MAL: variants seen among roughly 807,000 people sequenced by gnomAD.
MAL encodes the protein mal, T cell differentiation protein (MAL blood group).
MAL carries 5 observed loss-of-function variants against 16.7 expected under a neutral mutation model. That is an observed-to-expected ratio of 0.30 (90% CI 0.16 to 0.63). The LOEUF is 0.63. MAL is among the 30% of genes least tolerant of loss of function. MAL has a pLI of 0.82. For missense variants in MAL, 202 were observed against 195.8 expected (o/e 1.03, Z -0.19); for synonymous variants, 96 against 85.5 (o/e 1.12, Z -0.67).
At chr2:95,045,731 C>T (rs1674571049) in intron 1 of MAL, among the ~76,000 whole-genome samples, 1 of 152,226 alleles carries the variant, frequency 6.6e-6, no homozygotes, top group Admixed American at 6.5e-5. Context: ...GATCCTCCTC[C>T]TATTTCTCCA....
chr2:95,044,745 G>C (rs1294827860), intron 1 of MAL: 1 of 152,248 alleles, frequency 6.6e-6, no homozygotes, highest in Non-Finnish European at 1.5e-5. Flanking sequence ...ACTGGAACAG[G>C]GCAGAGTCTG....
chr2:95,033,531 A>G (rs1674137107), intron 1 of MAL, among the ~76,000 whole-genome samples: 1 of 151,984 alleles, frequency 6.6e-6, no homozygotes, highest in Non-Finnish European at 1.5e-5. Flanking sequence ...TAATCCTGGC[A>G]CTCTGGGAGG....
chr2:95,033,107 G>C (rs1674126752), intron 1 of MAL, among the ~76,000 whole-genome samples: 1 of 152,174 alleles, frequency 6.6e-6, no homozygotes, highest in African/African-American at 2.4e-5. Flanking sequence ...AGGGCAGGGG[G>C]AGGAGACAGA....
intron 1 of MAL, 72 bp from the exon 2 acceptor site, chr2:95,047,887 C>G (rs564863843): frequency 6.7e-7 from 1 of 1,483,936 alleles, no homozygotes. Context: ...CCCATGTGAC[C>G]GCTGGTCGGG....
At position 95,053,550 on chromosome 2, in the gene MAL, G is replaced by T; in HGVS notation, c.*95G>T. On this transcript the variant is annotated 3_prime_UTR_variant, in exon 4 of 4. Coordinates refer to ENST00000309988, the MANE Select transcript of MAL (RefSeq NM_002371.4). Reference sequence around the variant, plus strand: ...TTTAGAAAACAGAAATGCCCTTGATGGTGGAAAAAAGAAAACAACCACCCC... The same window carrying T: ...TTTAGAAAACAGAAATGCCCTTGATTGTGGAAAAAAGAAAACAACCACCCC... 9.9e-7 allele frequency: 1 copy of T among 1,005,612 alleles called. No individual in the cohort carries two copies. The highest frequency in any genetic ancestry group is 1.4e-5 in the South Asian group (1 of 72,944). The allele number at this position is 1,005,612 out of a possible 1,614,324, so 62.3% of individuals were successfully genotyped here.
intron 1 of MAL, among the ~76,000 whole-genome samples, chr2:95,033,946 T>G (rs573572458): frequency 1.3e-5 from 2 of 152,264 alleles, no homozygotes; most frequent in Admixed American, 1.3e-4. Context: ...TCAGTAAAAT[T>G]TGGACATAGC....
chr2:95,044,967 G>A (rs1157424006), intron 1 of MAL, among the ~76,000 whole-genome samples: 2 of 152,206 alleles, frequency 1.3e-5, no homozygotes, highest in African/African-American at 4.8e-5. Context: ...AGGAGCTGAG[G>A]ACTACCTTCT....
At chr2:95,028,271 C>T (rs1673994945) in intron 1 of MAL, among the ~76,000 whole-genome samples, 1 of 151,684 alleles carries the variant, frequency 6.6e-6, no homozygotes, top group Non-Finnish European at 1.5e-5. Context: ...TGCAGTAAGC[C>T]GAGATCATGC....
intron 3 of MAL, among the ~76,000 whole-genome samples, chr2:95,052,512 C>T (rs1423188812): frequency 6.6e-6 from 1 of 152,202 alleles, no homozygotes; most frequent in Non-Finnish European, 1.5e-5. Context: ...AGAGCAGGCA[C>T]CCTGAGGGCT....
chr2:95,029,647 T>C (rs1367580610), intron 1 of MAL, among the ~76,000 whole-genome samples: 1 of 152,204 alleles, frequency 6.6e-6, no homozygotes, highest in Non-Finnish European at 1.5e-5. Context: ...CACATTGTCA[T>C]TTTCCCAGGT....
chr2:95,034,367 C>T (rs1475833611), intron 1 of MAL, among the ~76,000 whole-genome samples: 3 of 152,228 alleles, frequency 2.0e-5, no homozygotes, highest in African/African-American at 7.2e-5. Context: ...GCCCAGGGAG[C>T]AGGCTGCTTT....
At chr2:95,039,348 GT>G in intron 1 of MAL, among the ~76,000 whole-genome samples, 1 of 148,706 alleles carries the variant, frequency 6.7e-6, no homozygotes, top group South Asian at 2.2e-4. Context: ...GAGTGAGTGA[GT>G]GACTGACTGA....
At chr2:95,053,254 G>C (rs1674756984) in intron 3 of MAL, 127 bp from the exon 4 acceptor site, 2 of 723,996 alleles carry the variant, frequency 2.8e-6, no homozygotes, top group Admixed American at 3.9e-5. Context: ...GTGAGGGTGA[G>C]AAGCAATGAC....
Position 95,049,654 on chromosome 2 carries a change from C to T in MAL, c.335C>T (p.Thr112Met), listed in dbSNP as rs749751444. ...ASVLEALATI[T>M]MQDGFTYRHY... ...GTCCTGGAGGCCCTGGCCACCATCA[C>T]GATGCAAGACGGCTTCACCTACAGG... The change falls in exon 3 of 4, where the codon ACG becomes ATG. Residue 112 changes from threonine (T) to methionine (M), a missense_variant. Thr to Met is a moderately conservative substitution (Grantham distance 81, BLOSUM62 -1). Transcript: ENST00000309988. 8.1e-6 allele frequency: 13 copies of T among 1,614,102 alleles called. No homozygotes were observed. The South Asian group carries it at 8.8e-5, about 11-fold the overall frequency.
At chr2:95,036,896 A>G (rs1440799002) in intron 1 of MAL, among the ~76,000 whole-genome samples, 3 of 151,778 alleles carry the variant, frequency 2.0e-5, no homozygotes, top group African/African-American at 7.3e-5. Context: ...TGAGTGGGTG[A>G]GTGAGTGACT....
chr2:95,049,241 C>T (rs1274704475), intron 2 of MAL, among the ~76,000 whole-genome samples: 1 of 152,232 alleles, frequency 6.6e-6, no homozygotes, highest in African/African-American at 2.4e-5. Context: ...CGAGGCCACA[C>T]CCAACCTGGA....
At chr2:95,038,436 CTGAG>C (rs1275719740) in intron 1 of MAL, among the ~76,000 whole-genome samples, 12 of 92,726 alleles carry the variant, frequency 1.3e-4, no homozygotes, top group Admixed American at 4.1e-4. Flanking sequence ...GACTGAGTGA[CTGAG>C]TGAGTGACTG....
intron 1 of MAL, among the ~76,000 whole-genome samples, chr2:95,038,214 C>CAGTGAGTG (rs1558658498): frequency 2.3e-5 from 1 of 44,034 alleles, no homozygotes; most frequent in Non-Finnish European, 4.4e-5. Flanking sequence ...GTGAGTGACT[C>CAGTGAGTG]AGTGAGTGAG....
intron 1 of MAL, among the ~76,000 whole-genome samples, chr2:95,028,204 T>A (rs1051008212): frequency 2.0e-5 from 3 of 148,214 alleles, no homozygotes; most frequent in African/African-American, 7.5e-5. Flanking sequence ...ATGCCTGTAG[T>A]CCCAGCTACT....
Sources: gnomAD v4.1 joint callset for allele counts (sites outside exome capture counted in the v4.1 genomes callset) on GRCh38, gnomAD v4.1.1 for gene constraint, MANE v1.5 for transcripts, NCBI Gene and HGNC (gene_info 2026-07-23, HGNC 2026-07-21) for gene names.